Variants in TSPAN5 observed in about 807,000 individuals in gnomAD.
The protein encoded by TSPAN5 is tetraspanin-5.
A neutral mutation model predicts 37.1 loss-of-function variants in TSPAN5; 10 were observed. The ratio of observed to expected loss-of-function variants is 0.27; its 90% CI spans 0.17 to 0.46. TSPAN5 has a LOEUF of 0.46. Ranked by LOEUF, TSPAN5 falls within the 20% of genes least tolerant of loss-of-function variation. The probability of loss-of-function intolerance (pLI) is 1.00; values close to 1 mark genes in which losing one functional copy is unlikely to be tolerated. For synonymous variants in TSPAN5, 110 were observed against 118.9 expected, an observed-to-expected ratio of 0.93 and a Z score of 0.48; for missense variants, 195 against 326.6, an observed-to-expected ratio of 0.60 and a Z score of 3.11.
intron 1 of TSPAN5, among the ~76,000 whole-genome samples, chr4:98,617,420 G>T (rs1468771107): frequency 6.6e-6 from 1 of 152,078 alleles, no homozygotes; most frequent in Non-Finnish European, 1.5e-5. Context: ...TTCCAAAAAG[G>T]TATCAGAGGA....
intron 1 of TSPAN5, among the ~76,000 whole-genome samples, chr4:98,592,243 T>A (rs576902442): frequency 4.8e-4 from 72 of 149,398 alleles, no homozygotes; most frequent in Non-Finnish European, 8.6e-4. Flanking sequence ...GAGAAGCCAT[T>A]GTTTAGGGCT....
At chr4:98,521,429 C>T (rs563309617) in intron 1 of TSPAN5, among the ~76,000 whole-genome samples, 1 of 152,322 alleles carries the variant, frequency 6.6e-6, no homozygotes, top group East Asian at 1.9e-4. Context: ...GCCCTCTCTG[C>T]ACCACCCTGT....
At chr4:98,621,559 G>A (rs911265309) in intron 1 of TSPAN5, among the ~76,000 whole-genome samples, 30 of 151,746 alleles carry the variant, frequency 2.0e-4, no homozygotes, top group African/African-American at 6.0e-4. Flanking sequence ...TAGTAGAGAC[G>A]GGGTTTCACC....
intron 1 of TSPAN5, among the ~76,000 whole-genome samples, chr4:98,550,365 G>A (rs1754583597): frequency 6.6e-6 from 1 of 151,970 alleles, no homozygotes; most frequent in African/African-American, 2.4e-5. Context: ...TGGCTATTCT[G>A]GCTTTTTTGG....
intron 1 of TSPAN5, among the ~76,000 whole-genome samples, chr4:98,556,030 A>G (rs1479967981): frequency 1.3e-5 from 1 of 76,104 alleles, no homozygotes; most frequent in Admixed American, 1.5e-4. Flanking sequence ...ACCCCCACAC[A>G]CACAGCACCC....
chr4:98,542,442 A>G (rs1170229754), intron 1 of TSPAN5, among the ~76,000 whole-genome samples: 1 of 151,898 alleles, frequency 6.6e-6, no homozygotes, highest in Non-Finnish European at 1.5e-5. Flanking sequence ...CAGGCTGGGC[A>G]TAGTGGCTCA....
chr4:98,630,970 T>C (rs976777998), intron 1 of TSPAN5, among the ~76,000 whole-genome samples: 1 of 152,216 alleles, frequency 6.6e-6, no homozygotes, highest in Non-Finnish European at 1.5e-5. Context: ...AACTGCCATC[T>C]GGAAGGCTCA....
At chr4:98,497,861 G>A (rs1288089298) in intron 2 of TSPAN5, among the ~76,000 whole-genome samples, 2 of 152,174 alleles carry the variant, frequency 1.3e-5, no homozygotes, top group Admixed American at 1.3e-4. Context: ...CAGTAAGAGT[G>A]CAGACAAAGC....
At chr4:98,584,561 C>T (rs72906086) in intron 1 of TSPAN5, among the ~76,000 whole-genome samples, 2,005 of 152,268 alleles carry the variant, frequency 0.013, 45 homozygotes, top group African/African-American at 0.045. Context: ...ATATTACACA[C>T]CATCTTCTAC....
intron 1 of TSPAN5, among the ~76,000 whole-genome samples, chr4:98,576,620 G>A (rs770065865): frequency 6.6e-6 from 1 of 152,112 alleles, no homozygotes; most frequent in Non-Finnish European, 1.5e-5. Flanking sequence ...GAAAACTGAG[G>A]ATGGAGGGTC....
chr4:98,531,932 A>G (rs549725149), intron 1 of TSPAN5, among the ~76,000 whole-genome samples: 5 of 152,088 alleles, frequency 3.3e-5, no homozygotes, highest in African/African-American at 1.2e-4. Flanking sequence ...AAATTTGTTT[A>G]TGTTCTTTGT....
intron 1 of TSPAN5, among the ~76,000 whole-genome samples, chr4:98,638,221 T>G (rs1168251742): frequency 6.6e-6 from 1 of 152,164 alleles, no homozygotes; most frequent in African/African-American, 2.4e-5. Context: ...AATCAAGCAC[T>G]CCCATGTGTC....
chr4:98,515,226 A>G (rs528461775), intron 1 of TSPAN5, among the ~76,000 whole-genome samples: 1 of 152,246 alleles, frequency 6.6e-6, no homozygotes, highest in East Asian at 1.9e-4. Context: ...ACAAAGAATC[A>G]CTGGAGGGTT....
intron 1 of TSPAN5, among the ~76,000 whole-genome samples, chr4:98,638,202 A>G (rs1756897338): frequency 1.3e-5 from 2 of 152,126 alleles, no homozygotes; most frequent in Admixed American, 1.3e-4. Context: ...GTTGCTCCGC[A>G]CGCTCAAAAA....
chr4:98,486,679 C>T, intron 3 of TSPAN5, 59 bp downstream of exon 3: 1 of 1,601,218 alleles, frequency 6.2e-7, no homozygotes. Context: ...ATAGGGTGAC[C>T]TCCTGATGGA....
At chr4:98,529,432 A>T (rs1578969740) in intron 1 of TSPAN5, among the ~76,000 whole-genome samples, 1 of 152,384 alleles carries the variant, frequency 6.6e-6, no homozygotes, top group Non-Finnish European at 1.5e-5. Flanking sequence ...TATCCTCGTC[A>T]TTAATAAAAA....
intron 1 of TSPAN5, among the ~76,000 whole-genome samples, chr4:98,617,343 G>A (rs769649201): frequency 2.0e-5 from 3 of 151,946 alleles, no homozygotes; most frequent in Non-Finnish European, 4.4e-5. Context: ...TAAGTAATTC[G>A]CCCAAGGACA....
intron 2 of TSPAN5, among the ~76,000 whole-genome samples, chr4:98,505,889 C>A (rs1213790271): frequency 6.6e-6 from 1 of 152,208 alleles, no homozygotes; most frequent in African/African-American, 2.4e-5. Flanking sequence ...CAAGAGAAAT[C>A]TTGATGGTGG....
At chr4:98,623,239 G>T (rs2110251554) in intron 1 of TSPAN5, among the ~76,000 whole-genome samples, 1 of 152,264 alleles carries the variant, frequency 6.6e-6, no homozygotes, top group East Asian at 1.9e-4. Flanking sequence ...CCTCCCCCAA[G>T]GGAACTGCAT....
Sources: allele counts gnomAD v4.1 joint callset (sites outside exome capture counted in the v4.1 genomes callset), GRCh38; gene constraint gnomAD v4.1.1; transcripts MANE v1.5; gene names NCBI Gene and HGNC (gene_info 2026-07-23, HGNC 2026-07-21).